The following USP8 variants were observed in gnomAD, a reference collection of about 807,000 sequenced individuals.
USP8 encodes the protein ubiquitin carboxyl-terminal hydrolase 8.
Under a neutral mutation model 130.0 loss-of-function variants are expected in USP8, and 27 were observed. The observed-to-expected ratio is 0.21, with a 90% CI of 0.15 to 0.29. The LOEUF (loss-of-function observed/expected upper bound fraction) is 0.29. Ranked by LOEUF, USP8 falls within the 10% of genes least tolerant of loss-of-function variation. USP8 has a pLI of 1.00. For synonymous variants in USP8, 392 were observed against 444.1 expected, an observed-to-expected ratio of 0.88 and a Z score of 1.48; for missense variants, 1,029 against 1,312.2, an observed-to-expected ratio of 0.78 and a Z score of 3.33.
intron 4 of USP8, among the ~76,000 whole-genome samples, chr15:50,453,351 C>T (rs2050684178): frequency 6.6e-6 from 1 of 152,162 alleles, no homozygotes; most frequent in Non-Finnish European, 1.5e-5. Context: ...CCCAGTAGAA[C>T]TTTATAATTT....
chr15:50,428,583 CAAG>C (rs1191656916), intron 1 of USP8, among the ~76,000 whole-genome samples: 2 of 146,624 alleles, frequency 1.4e-5, no homozygotes, highest in African/African-American at 2.5e-5. Flanking sequence ...AAATTAGTAA[CAAG>C]AGATTAACAA....
intron 5 of USP8, among the ~76,000 whole-genome samples, chr15:50,461,851 CAA>C (rs35159499): frequency 7.0e-4 from 84 of 120,556 alleles, no homozygotes; most frequent in African/African-American, 6.7e-4. Context: ...GACTCCGTCT[CAA>C]AAAAAAAAAA....
Position 50,500,728 on chromosome 15 carries a change from G to A in USP8, c.*1640G>A. ...GAGATCCATAGCATTTTGAACAGAA[G>A]TATCTGGAATCTCACTGACTCGTGT... On this transcript the variant is annotated 3_prime_UTR_variant, in exon 20 of 20. Coordinates refer to ENST00000307179, the MANE Select transcript of USP8 (RefSeq NM_005154.5). 1 of 1,540,688 alleles carries A rather than the reference G, an allele frequency of 6.5e-7. No individual in the cohort carries two copies. The highest frequency in any genetic ancestry group is 8.8e-7 in the Non-Finnish European group (1 of 1,133,094).
rs1304362261 is a variant in USP8, at chr15:50,499,140, T to C, written c.*52T>C. On this transcript the variant is annotated 3_prime_UTR_variant, in exon 20 of 20. Coordinates refer to ENST00000307179, the MANE Select transcript of USP8 (RefSeq NM_005154.5). Reference sequence around the variant, plus strand: ...CTTTTAAAAGGCTCAGCAACACAACTCTTGAAATGCTTATCAGGATAATGG... The same window carrying C: ...CTTTTAAAAGGCTCAGCAACACAACCCTTGAAATGCTTATCAGGATAATGG... The C allele has an allele frequency of 6.7e-7, 1 of 1,498,580 alleles. No individual in the cohort carries two copies. Among genetic ancestry groups the C allele is most frequent in the Non-Finnish European group, 8.9e-7 (1 of 1,118,870 alleles). The allele number at this position is 1,498,580 out of a possible 1,614,324, so 92.8% of individuals were successfully genotyped here. A position where few individuals can be genotyped will look rare whatever the true frequency, so the allele number is the denominator to read the frequency against.
intron 4 of USP8, among the ~76,000 whole-genome samples, chr15:50,458,740 G>C (rs1051661752): frequency 6.6e-6 from 1 of 152,186 alleles, no homozygotes; most frequent in Non-Finnish European, 1.5e-5. Context: ...ATAAAAGGTT[G>C]AAATTAGTAG....
chr15:50,490,628 T>G, intron 14 of USP8, 103 bp downstream of exon 14: 2 of 1,395,588 alleles, frequency 1.4e-6, no homozygotes, highest in East Asian at 4.7e-5. Flanking sequence ...GAAATTTCTG[T>G]GGATGGCTAT....
At position 50,498,975 on chromosome 15, in the gene USP8, A is replaced by C; in HGVS notation, c.3244A>C (p.Lys1082Gln). Residue 1082 changes from lysine to glutamine, a missense_variant, in exon 20 of 20, where the codon AAG becomes CAG. Transcript: ENST00000307179. ...CKNAARQRWFKFDDHEVSDIS... is the reference protein window; with the variant it reads ...CKNAARQRWFQFDDHEVSDIS... ...AAATGCAGCAAGACAACGGTGGTTT[A>C]AGTTTGATGATCATGAAGTTTCTGA... The C allele has an allele frequency of 1.2e-6, 2 of 1,614,010 alleles. No homozygotes were observed.
chr15:50,449,890 C>CTTTTTTTTT, intron 4 of USP8, among the ~76,000 whole-genome samples: 1 of 78,918 alleles, frequency 1.3e-5, no homozygotes. Context: ...CCCAATATTT[C>CTTTTTTTTT]TTTTTTTTTT....
chr15:50,453,758 T>C (rs974093608), intron 4 of USP8, among the ~76,000 whole-genome samples: 1 of 152,180 alleles, frequency 6.6e-6, no homozygotes, highest in Non-Finnish European at 1.5e-5. Flanking sequence ...CTCTCAGCTT[T>C]TGTTTCATGT....
chr15:50,501,903 G>A lies in USP8; in HGVS notation c.*2815G>A, dbSNP rs1239212482. The A allele has an allele frequency of 2.6e-5, 4 of 152,144 alleles. No individual in the cohort carries two copies. Among genetic ancestry groups the A allele is most frequent in the Non-Finnish European group, 5.9e-5 (4 of 68,016 alleles). The allele number at this position is 152,144 out of a possible 1,614,324, so 9.4% of individuals were successfully genotyped here. A position where few individuals can be genotyped will look rare whatever the true frequency, so the allele number is the denominator to read the frequency against. ...TGTGAAAATTTTATGAAATTCAAAT[G>A]TCAATGTCCTTAAAGTTTTATGGGA... On this transcript the variant is annotated 3_prime_UTR_variant, in exon 20 of 20. Transcript: ENST00000307179.
Position 50,499,655 on chromosome 15 carries a change from T to C in USP8, c.*567T>C, listed in dbSNP as rs2052541962. Reference sequence around the variant, plus strand: ...AAATGACAGGGCAAAGCAATTTTTCTGTTGGCTTTGGGCTGTATTTGTGCA... The same window carrying C: ...AAATGACAGGGCAAAGCAATTTTTCCGTTGGCTTTGGGCTGTATTTGTGCA... On this transcript the variant is annotated 3_prime_UTR_variant, in exon 20 of 20. Transcript: ENST00000307179. The C allele has an allele frequency of 6.6e-6, 1 of 152,156 alleles. No homozygotes were observed. The highest frequency in any genetic ancestry group is 2.4e-5 in the African/African-American group (1 of 41,440). 9.4% of individuals were successfully genotyped at this position (152,156 alleles called of 1,614,324 possible).
rs756075270 is a variant in USP8 at position 50,505,821 on chromosome 15, C to T, written c.*6733C>T. The T allele has an allele frequency of 6.6e-6, 1 of 152,204 alleles. No homozygotes were observed. The highest frequency in any genetic ancestry group is 1.5e-5 in the Non-Finnish European group (1 of 68,098). The allele number at this position is 152,204 out of a possible 1,614,324, so 9.4% of individuals were successfully genotyped here. A position where few individuals can be genotyped will look rare whatever the true frequency, so the allele number is the denominator to read the frequency against. On this transcript the variant is annotated 3_prime_UTR_variant, in exon 20 of 20. Transcript: ENST00000307179. ...AAAAAATAAAAAAGTTGGCCATGCA[C>T]AGTAGCATGCCTGTAGTCCCAGCTA...
intron 4 of USP8, among the ~76,000 whole-genome samples, chr15:50,453,860 CTTTTTTTTTTT>C: frequency 1.1e-5 from 1 of 86,962 alleles, no homozygotes; most frequent in South Asian, 4.3e-4. Context: ...TGGGAATATT[CTTTTTTTTTTT>C]TTTTTTTTTT....
At position 50,471,498 on chromosome 15, in the gene USP8, C is replaced by T. The variant is rs1446056223; in HGVS notation, c.687-135C>T. The T allele has an allele frequency of 4.7e-6, 4 of 844,998 alleles. No homozygotes were observed. The East Asian group carries it at 1.1e-4, about 23-fold the overall frequency. The allele number at this position is 844,998 out of a possible 1,614,324, so 52.3% of individuals were successfully genotyped here. On this transcript the variant is annotated intron_variant, in intron 7 of 19. Transcript: ENST00000307179. ...GCTGTTTAATATCTTAATATATAAC[C>T]TCACCTTAGAAAGGAATCTACTTAA...
intron 2 of USP8, among the ~76,000 whole-genome samples, chr15:50,439,756 C>G (rs772323781): frequency 1.3e-5 from 2 of 150,280 alleles, no homozygotes; most frequent in Non-Finnish European, 3.0e-5. Flanking sequence ...TGCGATTGCA[C>G]TGCAGCTTGG....
At position 50,485,550 on chromosome 15, in the gene USP8, ATTTTTTTTT is replaced by A. The variant is rs71424071; in HGVS notation, c.1890+1214_1890+1222del. The stretch of plus-strand genomic sequence containing the variant: ...CCCATTTTTAGCATGCAGTTTAGTG[ATTTTTTTTT>A]TTTTTTTTTTTTTTTTTTTTTTTTA... On this transcript the variant is annotated intron_variant, in intron 12 of 19. Transcript: ENST00000307179. Among the ~76,000 whole-genome samples, 44 of 27,946 alleles carry A rather than the reference ATTTTTTTTT, an allele frequency of 1.6e-3. 1 individual carries two copies. Among genetic ancestry groups the A allele is most frequent in the Admixed American group, 4.0e-3 (5 of 1,246 alleles). 18.3% of individuals were successfully genotyped at this position (27,946 alleles called of 152,430 possible). A position where few individuals can be genotyped will look rare whatever the true frequency, so the allele number is the denominator to read the frequency against.
rs201012619 is a variant in USP8 at position 50,482,032 on chromosome 15, T to C, written c.1770T>C (p.His590=). The C allele has an allele frequency of 6.5e-7, 1 of 1,536,012 alleles. No individual in the cohort carries two copies. The highest frequency in any genetic ancestry group is 2.3e-5 in the Admixed American group (1 of 42,672). ...AAAAGTCAACAGGAGATGTGCCCCA[T>C]ACATCTGTGACAGGGGATTCAGGTT... ...IQKKSTGDVP[H]TSVTGDSGSG... Residue 590 remains histidine (H), a synonymous_variant, in exon 11 of 20, where the codon CAT becomes CAC. Transcript: ENST00000307179.
intron 15 of USP8, 53 bp from the exon 16 acceptor site, chr15:50,494,017 C>A: frequency 1.3e-6 from 2 of 1,580,960 alleles, no homozygotes; most frequent in Non-Finnish European, 1.7e-6. Flanking sequence ...CTGTACCTTG[C>A]TTAACTTTTA....
chr15:50,440,170 CAG>C (rs1461929967), intron 2 of USP8, among the ~76,000 whole-genome samples: 1 of 152,130 alleles, frequency 6.6e-6, no homozygotes. Context: ...GATGAGGTGA[CAG>C]AAAACAACTC....
Sources: gnomAD v4.1 joint callset for allele counts (sites outside exome capture counted in the v4.1 genomes callset) on GRCh38, gnomAD v4.1.1 for gene constraint, MANE v1.5 for transcripts, NCBI Gene and HGNC (gene_info 2026-07-23, HGNC 2026-07-21) for gene names.